The following KCNB2 variants were observed in gnomAD, a reference collection of about 807,000 sequenced individuals.
The protein encoded by KCNB2 is delayed rectifier potassium channel protein.
KCNB2 carries 15 observed loss-of-function variants against 61.5 expected under a neutral mutation model. The ratio of observed to expected loss-of-function variants is 0.24; its 90% confidence interval spans 0.16 to 0.38. The LOEUF is 0.38. KCNB2 is among the 10% of genes least tolerant of loss of function. The pLI is 1.00. For synonymous variants in KCNB2, 457 were observed against 446.0 expected (o/e 1.02, Z -0.31); for missense variants, 828 against 1,125.2 (o/e 0.74, Z 3.78).
At chr8:72,615,275 T>C in intron 2 of KCNB2, among the ~76,000 whole-genome samples, 1 of 152,200 alleles carries the variant, frequency 6.6e-6, no homozygotes, top group East Asian at 1.9e-4. Flanking sequence ...GTTATGAGAA[T>C]GAAACAAGAT....
chr8:72,737,725 G>A (rs116783549), intron 2 of KCNB2, among the ~76,000 whole-genome samples: 268 of 152,236 alleles, frequency 1.8e-3, no homozygotes, highest in African/African-American at 6.2e-3. Context: ...CAGTTGAGGA[G>A]GACTGTCTTG....
chr8:72,771,313 T>C (rs1336074355), intron 2 of KCNB2, among the ~76,000 whole-genome samples: 1 of 152,240 alleles, frequency 6.6e-6, no homozygotes, highest in East Asian at 1.9e-4. Flanking sequence ...TGGCATTTTC[T>C]TAAATATTTA....
intron 2 of KCNB2, among the ~76,000 whole-genome samples, chr8:72,872,233 A>G (rs1235074586): frequency 6.6e-6 from 1 of 152,224 alleles, no homozygotes; most frequent in South Asian, 2.1e-4. Context: ...GCATCTGAGT[A>G]TAAATTGGCA....
At chr8:72,873,042 G>A (rs985840819) in intron 2 of KCNB2, among the ~76,000 whole-genome samples, 18 of 152,128 alleles carry the variant, frequency 1.2e-4, no homozygotes, top group African/African-American at 3.9e-4. Flanking sequence ...TGTGTGCACC[G>A]ATGCAGCAGC....
chr8:72,745,761 G>A (rs975692633), intron 2 of KCNB2, among the ~76,000 whole-genome samples: 5 of 152,090 alleles, frequency 3.3e-5, no homozygotes, highest in Non-Finnish European at 4.4e-5. Context: ...CCCAGAGATG[G>A]AGTTGATATC....
chr8:72,747,421 G>A (rs1808095416), intron 2 of KCNB2, among the ~76,000 whole-genome samples: 2 of 152,104 alleles, frequency 1.3e-5, no homozygotes, highest in Non-Finnish European at 2.9e-5. Flanking sequence ...TGGTTGGTTT[G>A]CACATGAAAG....
intron 1 of KCNB2, among the ~76,000 whole-genome samples, chr8:72,552,164 G>T (rs1009665160): frequency 2.0e-5 from 3 of 152,194 alleles, no homozygotes. Context: ...GCTGAGAATG[G>T]GAGTAGAGGT....
chr8:72,676,606 G>T (rs1235356054), intron 2 of KCNB2, among the ~76,000 whole-genome samples: 1 of 151,216 alleles, frequency 6.6e-6, no homozygotes, highest in Non-Finnish European at 1.5e-5. Flanking sequence ...GGGATATATA[G>T]AATTTACATT....
rs562997759 is a variant in KCNB2, at chr8:72,837,321, G to T, written c.580-98614G>T. 1.1e-4 allele frequency among the ~76,000 whole-genome samples: 16 copies of T among 152,270 alleles called. 1 individual carries two copies. The highest frequency in any genetic ancestry group is 3.8e-4 in the African/African-American group (16 of 41,566). ...GCTCTTGTGCCTCTGTTCATTGACTGAACTACCATTATGTCCATGATGGCT... is the reference window on the plus strand; with the variant it reads ...GCTCTTGTGCCTCTGTTCATTGACTTAACTACCATTATGTCCATGATGGCT... On this transcript the variant is annotated intron_variant, in intron 2 of 2. Transcript: ENST00000523207.
rs75186671 is a variant in KCNB2, at chr8:72,705,496, A to G, written c.579+137183A>G. Among the ~76,000 whole-genome samples, 791 of 152,374 alleles carry G rather than the reference A, an allele frequency of 5.2e-3. 13 individuals are homozygous for G. The highest frequency in any genetic ancestry group is 0.029 in the Admixed American group (449 of 15,300). ...GCTAGATCTCACTCATGGAGAGAAGATTAATAACATTGGAGACACTCTGCC... is the reference window on the plus strand; with the variant it reads ...GCTAGATCTCACTCATGGAGAGAAGGTTAATAACATTGGAGACACTCTGCC... On this transcript the variant is annotated intron_variant, in intron 2 of 2. Coordinates refer to ENST00000523207, the MANE Select transcript of KCNB2 (RefSeq NM_004770.3).
In KCNB2 at chr8:72,550,950, A is replaced by G. The variant is rs371612836; in HGVS notation, c.-94+13065A>G. Reference sequence around the variant, plus strand: ...TAGAATGGTCCAGCCCCATAGGCTCAGAATGCTGCTGCTGGAGGGGACATA... The same window carrying G: ...TAGAATGGTCCAGCCCCATAGGCTCGGAATGCTGCTGCTGGAGGGGACATA... On this transcript the variant is annotated intron_variant, in intron 1 of 2. Coordinates refer to ENST00000523207, the MANE Select transcript of KCNB2 (RefSeq NM_004770.3). Among the ~76,000 whole-genome samples the G allele has an allele frequency of 1.6e-4, 25 of 152,316 alleles. No individual in the cohort carries two copies. The South Asian group carries it at 5.0e-3, about 30-fold the overall frequency.
chr8:72,773,378 T>C (rs1808592732), intron 2 of KCNB2, among the ~76,000 whole-genome samples: 1 of 152,114 alleles, frequency 6.6e-6, no homozygotes, highest in Non-Finnish European at 1.5e-5. Flanking sequence ...GTCATGTCAA[T>C]ACTAATAGAT....
chr8:72,815,282 G>A (rs776927905), intron 2 of KCNB2, among the ~76,000 whole-genome samples: 1 of 151,960 alleles, frequency 6.6e-6, no homozygotes, highest in Non-Finnish European at 1.5e-5. Context: ...CATGAGATAC[G>A]GATATTTTAA....
At chr8:72,861,906 G>A (rs562882741) in intron 2 of KCNB2, among the ~76,000 whole-genome samples, 65 of 152,180 alleles carry the variant, frequency 4.3e-4, no homozygotes, top group Admixed American at 3.2e-3. Context: ...GTGCAGTGGC[G>A]CACACCTGTA....
At chr8:72,765,823 A>G (rs749849614) in intron 2 of KCNB2, among the ~76,000 whole-genome samples, 3 of 152,112 alleles carry the variant, frequency 2.0e-5, no homozygotes, top group Non-Finnish European at 2.9e-5. Flanking sequence ...TGGATCTGGG[A>G]TGGGGCCCAA....
rs138492620 is a variant in KCNB2, at chr8:72,572,866, G to A, written c.579+4553G>A. 8.2e-3 allele frequency among the ~76,000 whole-genome samples: 1,251 copies of A among 152,252 alleles called. 15 individuals carry two copies. The highest frequency in any genetic ancestry group is 0.025 in the African/African-American group (1,051 of 41,556). On this transcript the variant is annotated intron_variant, in intron 2 of 2. Coordinates refer to ENST00000523207, the MANE Select transcript of KCNB2 (RefSeq NM_004770.3). ...ATGGGACGGAGGGAAGGAGATGACC[G>A]CGTTTCCTGCCTGCATCTTACTCCC... is the stretch of plus-strand genomic sequence containing the variant.
At chr8:72,707,423 C>T (rs1807246922) in intron 2 of KCNB2, among the ~76,000 whole-genome samples, 1 of 152,192 alleles carries the variant, frequency 6.6e-6, no homozygotes, top group African/African-American at 2.4e-5. Context: ...GATCATTGAT[C>T]TGCAAGCATA....
chr8:72,637,692 A>G (rs1358063443), intron 2 of KCNB2, among the ~76,000 whole-genome samples: 1 of 152,098 alleles, frequency 6.6e-6, no homozygotes, highest in African/African-American at 2.4e-5. Context: ...CTTCTCTCAT[A>G]TCCCTTCCAT....
At chr8:72,672,898 G>A (rs1037993225) in intron 2 of KCNB2, among the ~76,000 whole-genome samples, 1 of 152,170 alleles carries the variant, frequency 6.6e-6, no homozygotes, top group Non-Finnish European at 1.5e-5. Context: ...AAAATAACAA[G>A]CATTAGTGAA....
Sources: gnomAD v4.1 joint callset for allele counts (sites outside exome capture counted in the v4.1 genomes callset) on GRCh38, gnomAD v4.1.1 for gene constraint, MANE v1.5 for transcripts, NCBI Gene and HGNC (gene_info 2026-07-23, HGNC 2026-07-21) for gene names.